Variants in TEX14 observed in about 807,000 individuals in gnomAD.
TEX14 encodes the protein testis expressed 14, intercellular bridge forming factor.
TEX14 carries 168 observed loss-of-function variants against 178.6 expected under a neutral mutation model. That is an observed-to-expected ratio of 0.94 (90% CI 0.83 to 1.07). The LOEUF (loss-of-function observed/expected upper bound fraction) is 1.07, where lower values mean the gene tolerates loss of function less well. Among genes scored for constraint, TEX14 ranks in the 50% least tolerant of loss-of-function variants. The probability of loss-of-function intolerance (pLI) is 0.00; values close to 1 mark genes in which losing one functional copy is unlikely to be tolerated. For missense variants in TEX14, 1,730 were observed against 1,753.6 expected (o/e 0.99, Z 0.24); for synonymous variants, 626 against 634.1 (o/e 0.99, Z 0.19).
Position 58,688,941 on chromosome 17 carries a change from T to A in TEX14, c.-2+2998A>T, listed in dbSNP as rs190286129. Among the ~76,000 whole-genome samples, 169 of 151,988 alleles carry A rather than the reference T, an allele frequency of 1.1e-3. 1 individual carries two copies. Among genetic ancestry groups the A allele is most frequent in the African/African-American group, 3.7e-3 (153 of 41,504 alleles). ...TTTGTTTTTATTTCTATACATATAT[T>A]TTTTTTTGAGATGGAGTCTCGCTCT... On this transcript the variant is annotated intron_variant, in intron 1 of 31. Transcript: ENST00000349033.
intron 2 of TEX14, chr17:58,647,969 A>T (rs1410032033): frequency 1.3e-5 from 2 of 152,368 alleles, no homozygotes; most frequent in Non-Finnish European, 2.9e-5. Flanking sequence ...AAGTGCTGGG[A>T]TTACACGCGT....
intron 21 of TEX14, among the ~76,000 whole-genome samples, chr17:58,574,590 C>T (rs2044630447): frequency 7.3e-6 from 1 of 137,750 alleles, no homozygotes; most frequent in Non-Finnish European, 1.5e-5. Flanking sequence ...ACAGGAATTG[C>T]TTGAACCCAG....
intron 1 of TEX14, among the ~76,000 whole-genome samples, chr17:58,668,399 G>A (rs1405057942): frequency 1.3e-5 from 2 of 152,194 alleles, no homozygotes; most frequent in East Asian, 1.9e-4. Context: ...GCCTGGAGGA[G>A]CTGCAGTAAC....
In TEX14 at chr17:58,630,553, T is replaced by C. The variant is rs2046263873; in HGVS notation, c.138A>G (p.Gly46=). 1 of 1,609,530 alleles carries C rather than the reference T, an allele frequency of 6.2e-7. No individual in the cohort carries two copies. The highest frequency in any genetic ancestry group is 1.3e-5 in the African/African-American group (1 of 74,754). Residue 46 remains glycine, a splice_region_variant and synonymous_variant, in exon 3 of 32, where the codon GGA becomes GGG. Coordinates refer to ENST00000349033, the MANE Select transcript of TEX14 (RefSeq NM_031272.5). ...AGGAGTTAACTGCATCAACATAAAT[T>C]CCTGCAAAGGAAATATCAGAATCAA... is the stretch of plus-strand genomic sequence containing the variant. ...YVKVKKILKK[G]IYVDAVNSLG... is the part of the protein sequence containing the mutation.
chr17:58,617,806 T>C (rs2045907345), intron 5 of TEX14, among the ~76,000 whole-genome samples, 187 bp from the exon 6 acceptor site: 1 of 152,188 alleles, frequency 6.6e-6, no homozygotes, highest in Non-Finnish European at 1.5e-5. Flanking sequence ...CTTACCGGTA[T>C]GCATAACCTT....
chr17:58,646,732 G>T (rs529495607), intron 2 of TEX14, among the ~76,000 whole-genome samples: 16 of 152,250 alleles, frequency 1.1e-4, no homozygotes, highest in African/African-American at 3.9e-4. Flanking sequence ...GATGAATCTT[G>T]TGTGCTGACT....
chr17:58,589,544 C>T (rs886163624), intron 15 of TEX14, among the ~76,000 whole-genome samples: 2 of 121,482 alleles, frequency 1.6e-5, no homozygotes, highest in Admixed American at 9.8e-5. Flanking sequence ...GGCAACAGTG[C>T]GAGACTCCGT....
At chr17:58,660,221 A>G (rs2047079862) in intron 1 of TEX14, among the ~76,000 whole-genome samples, 1 of 151,092 alleles carries the variant, frequency 6.6e-6, no homozygotes, top group South Asian at 2.1e-4. Flanking sequence ...CCTGACCAAC[A>G]TGGTGAAACC....
At position 58,622,400 on chromosome 17, in the gene TEX14, C is replaced by T. The variant is rs544662995; in HGVS notation, c.417+447G>A. 2.1e-4 allele frequency among the ~76,000 whole-genome samples: 31 copies of T among 150,906 alleles called. 1 individual carries two copies. In the South Asian group the frequency reaches 6.1e-3, roughly 30 times the overall value. ...GGCGGAGGTTGCAGTGAGCTGAGCT[C>T]GCGCCACTGCACTCCAGCCTGGGCA... On this transcript the variant is annotated intron_variant, in intron 4 of 31. Transcript: ENST00000349033.
At chr17:58,670,027 G>A (rs1567769388) in intron 1 of TEX14, among the ~76,000 whole-genome samples, 1 of 152,164 alleles carries the variant, frequency 6.6e-6, no homozygotes, top group Non-Finnish European at 1.5e-5. Flanking sequence ...TACAGCCGCA[G>A]CCTCTTTCCA....
chr17:58,595,907 G>A (rs535166406), intron 14 of TEX14, among the ~76,000 whole-genome samples: 5 of 152,344 alleles, frequency 3.3e-5, no homozygotes, highest in Non-Finnish European at 5.9e-5. Flanking sequence ...ATTTCAGGCC[G>A]GGCGCGGTCG....
chr17:58,690,155 G>T (rs2047668734), intron 1 of TEX14, among the ~76,000 whole-genome samples: 2 of 150,060 alleles, frequency 1.3e-5, no homozygotes. Context: ...GGGTTTTTTT[G>T]TTTTTTTTAT....
At chr17:58,633,219 C>T (rs1233812635) in intron 2 of TEX14, among the ~76,000 whole-genome samples, 1 of 152,120 alleles carries the variant, frequency 6.6e-6, no homozygotes, top group Non-Finnish European at 1.5e-5. Flanking sequence ...AGACATTGGT[C>T]CAAATGTCAT....
At chr17:58,626,052 T>C (rs2046131189) in intron 3 of TEX14, among the ~76,000 whole-genome samples, 1 of 151,968 alleles carries the variant, frequency 6.6e-6, no homozygotes, top group South Asian at 2.1e-4. Context: ...CCGGCAACAT[T>C]TGGGAGATTT....
intron 2 of TEX14, among the ~76,000 whole-genome samples, chr17:58,645,148 G>C (rs1358819299): frequency 4.0e-5 from 6 of 150,628 alleles, no homozygotes; most frequent in African/African-American, 1.5e-4. Flanking sequence ...ACCATATCCA[G>C]CTAATTTTTT....
rs766751067 is a variant in TEX14, at chr17:58,587,872, T to C, written c.2702+24A>G. ...ACCCCCACCCCCGCTCCACCACCAG[T>C]TTCCAGCCCACAAGGATCCTTACCT... is the stretch of plus-strand genomic sequence containing the variant. On this transcript the variant is annotated intron_variant, in intron 16 of 31. Coordinates refer to ENST00000349033, the MANE Select transcript of TEX14 (RefSeq NM_031272.5). 2.4e-4 allele frequency: 249 copies of C among 1,024,192 alleles called. 1 individual carries two copies. Among genetic ancestry groups the C allele is most frequent in the Non-Finnish European group, 7.3e-5 (50 of 682,294 alleles). 63.4% of individuals were successfully genotyped at this position (1,024,192 alleles called of 1,614,324 possible). A position where few individuals can be genotyped will look rare whatever the true frequency, so the allele number is the denominator to read the frequency against.
At chr17:58,637,571 G>A (rs1180115086) in intron 2 of TEX14, among the ~76,000 whole-genome samples, 1 of 152,200 alleles carries the variant, frequency 6.6e-6, no homozygotes, top group Non-Finnish European at 1.5e-5. Flanking sequence ...GGACTGGGTT[G>A]GGAAGCTTCT....
In TEX14 at chr17:58,645,782, A is replaced by G. The variant is rs960795985; in HGVS notation, c.136+6084T>C. On this transcript the variant is annotated intron_variant, in intron 2 of 31. Coordinates refer to ENST00000349033, the MANE Select transcript of TEX14 (RefSeq NM_031272.5). The stretch of plus-strand genomic sequence containing the variant: ...TTAGAAGTTAAAGATATAGACAGTC[A>G]TCCCTCGGTACCCATGGGGAACTGG... Among the ~76,000 whole-genome samples the G allele has an allele frequency of 4.6e-5, 7 of 152,354 alleles. No individual in the cohort carries two copies. In the South Asian group the frequency reaches 1.4e-3, roughly 32 times the overall value.
intron 1 of TEX14, among the ~76,000 whole-genome samples, chr17:58,659,852 A>G (rs796875208): frequency 6.6e-6 from 1 of 151,698 alleles, no homozygotes; most frequent in African/African-American, 2.4e-5. Context: ...GCCTGCCACC[A>G]CACCTGGCTA....
Sources: allele counts gnomAD v4.1 joint callset (sites outside exome capture counted in the v4.1 genomes callset), GRCh38; gene constraint gnomAD v4.1.1; transcripts MANE v1.5; gene names NCBI Gene and HGNC (gene_info 2026-07-23, HGNC 2026-07-21).